SLC25A13: variants seen among roughly 807,000 people sequenced by gnomAD.
The protein encoded by SLC25A13 is solute carrier family 25 member 13, also known as electrogenic aspartate/glutamate antiporter SLC25A13, mitochondrial.
In SLC25A13, 70 loss-of-function variants were observed where a neutral mutation model predicts 85.5. The ratio of observed to expected loss-of-function variants is 0.82; its 90% CI spans 0.68 to 1.00. The LOEUF is 1.00. Among genes scored for constraint, SLC25A13 ranks in the 50% least tolerant of loss-of-function variants. The pLI, the probability that SLC25A13 is intolerant of heterozygous loss-of-function variation, is 0.00. For missense variants in SLC25A13, 765 were observed against 819.8 expected, an observed-to-expected ratio of 0.93 and a Z score of 0.82; for synonymous variants, 259 against 288.7, an observed-to-expected ratio of 0.90 and a Z score of 1.04.
chr7:96,313,599 T>C (rs1358821983), intron 1 of SLC25A13, among the ~76,000 whole-genome samples: 1 of 152,084 alleles, frequency 6.6e-6, no homozygotes. Context: ...CAATAGACAC[T>C]GGGGACTACT....
chr7:96,213,281 G>A (rs1011818192), intron 4 of SLC25A13, among the ~76,000 whole-genome samples: 4 of 152,116 alleles, frequency 2.6e-5, no homozygotes, highest in African/African-American at 4.8e-5. Context: ...ATAATACCAC[G>A]TCAGGTTAAT....
At chr7:96,290,006 A>C (rs1799052124) in intron 2 of SLC25A13, among the ~76,000 whole-genome samples, 1 of 152,214 alleles carries the variant, frequency 6.6e-6, no homozygotes, top group Non-Finnish European at 1.5e-5. Context: ...AAGGGCAGCC[A>C]GAGAGAAAGG....
chr7:96,220,481 A>G (rs1796078082), intron 4 of SLC25A13, among the ~76,000 whole-genome samples: 1 of 152,130 alleles, frequency 6.6e-6, no homozygotes, highest in African/African-American at 2.4e-5. Context: ...TCCTTTATCA[A>G]CCTATCAGAG....
In SLC25A13 at chr7:96,131,958, C is replaced by T. The variant is rs1209302652; in HGVS notation, c.1453-77G>A. 3.8e-6 allele frequency: 6 copies of T among 1,598,354 alleles called. No individual in the cohort carries two copies. In the Middle Eastern group the frequency reaches 5.0e-4, roughly 132 times the overall value. On this transcript the variant is annotated intron_variant, in intron 14 of 17. Coordinates refer to ENST00000265631, the MANE Select transcript of SLC25A13 (RefSeq NM_014251.3). The stretch of plus-strand genomic sequence containing the variant: ...GAGATCAAGCTTCTCTGGAACTCAC[C>T]TCAGAACAAAATATTCCTGGAGAAG...
intron 11 of SLC25A13, among the ~76,000 whole-genome samples, chr7:96,183,320 T>C (rs1208676976): frequency 6.6e-6 from 1 of 152,132 alleles, no homozygotes; most frequent in Non-Finnish European, 1.5e-5. Flanking sequence ...GGGTAATTAA[T>C]TTGAAGACTA....
At chr7:96,190,110 A>G (rs1794787179) in intron 7 of SLC25A13, among the ~76,000 whole-genome samples, 1 of 141,132 alleles carries the variant, frequency 7.1e-6, no homozygotes, top group South Asian at 2.3e-4. Flanking sequence ...TTTGAGACAG[A>G]GTCTTGCTCT....
intron 3 of SLC25A13, among the ~76,000 whole-genome samples, chr7:96,260,052 CG>C (rs983770755): frequency 1.4e-4 from 8 of 56,530 alleles, no homozygotes; most frequent in African/African-American, 5.7e-4. Context: ...TGGGGCCTGT[CG>C]GGGGGTGGGG....
chr7:96,166,513 T>C (rs1315127976), intron 13 of SLC25A13, among the ~76,000 whole-genome samples: 2 of 152,120 alleles, frequency 1.3e-5, no homozygotes, highest in Non-Finnish European at 2.9e-5. Flanking sequence ...GTATTTCTTA[T>C]CTGGTGACTT....
rs148300475 is a variant in SLC25A13, at chr7:96,293,093, T to G, written c.69+3805A>C. ...GTACCAAAACAGAGACATAGACCAATGGAACAGAACAGAGGCCTCAGAAAT... is the reference window on the plus strand; with the variant it reads ...GTACCAAAACAGAGACATAGACCAAGGGAACAGAACAGAGGCCTCAGAAAT... On this transcript the variant is annotated intron_variant, in intron 2 of 17. Coordinates refer to ENST00000265631, the MANE Select transcript of SLC25A13 (RefSeq NM_014251.3). 9.6e-3 allele frequency among the ~76,000 whole-genome samples: 1,461 copies of G among 152,198 alleles called. 25 individuals carry two copies. Among genetic ancestry groups the G allele is most frequent in the African/African-American group, 0.034 (1,407 of 41,512 alleles).
chr7:96,317,383 C>T (rs754078689), intron 1 of SLC25A13, among the ~76,000 whole-genome samples: 2 of 151,374 alleles, frequency 1.3e-5, no homozygotes, highest in Non-Finnish European at 2.9e-5. Flanking sequence ...GAATCAACAA[C>T]GAAACACAGT....
intron 5 of SLC25A13, 52 bp downstream of exon 5, chr7:96,208,786 T>C: frequency 1.9e-6 from 3 of 1,608,938 alleles, no homozygotes; most frequent in Admixed American, 1.7e-5. Flanking sequence ...ATTATAGGTG[T>C]GAGCCACCGT....
chr7:96,294,147 G>T (rs1799246488), intron 2 of SLC25A13, among the ~76,000 whole-genome samples: 1 of 152,068 alleles, frequency 6.6e-6, no homozygotes, highest in South Asian at 2.1e-4. Context: ...GGATGAAGCT[G>T]GAAACCATCA....
chr7:96,216,618 G>A (rs1795910163), intron 4 of SLC25A13, among the ~76,000 whole-genome samples: 1 of 152,130 alleles, frequency 6.6e-6, no homozygotes, highest in East Asian at 1.9e-4. Context: ...CGGAGCTGGA[G>A]GCCGTTATCA....
At chr7:96,172,200 C>T (rs1794032044) in intron 11 of SLC25A13, among the ~76,000 whole-genome samples, 1 of 152,154 alleles carries the variant, frequency 6.6e-6, no homozygotes, top group South Asian at 2.1e-4. Context: ...CATATGTATC[C>T]AACCTATAAG....
chr7:96,195,970 C>T (rs1220280584), intron 5 of SLC25A13, among the ~76,000 whole-genome samples: 1 of 152,172 alleles, frequency 6.6e-6, no homozygotes, highest in Non-Finnish European at 1.5e-5. Context: ...AAGGAAAAGA[C>T]AGTATAACCT....
At chr7:96,222,951 A>T (rs1796189457) in intron 4 of SLC25A13, among the ~76,000 whole-genome samples, 1 of 152,194 alleles carries the variant, frequency 6.6e-6, no homozygotes, top group South Asian at 2.1e-4. Flanking sequence ...TGTCTTTAAC[A>T]GCAATGCTGG....
At chr7:96,178,430 G>A (rs1794305622) in intron 11 of SLC25A13, among the ~76,000 whole-genome samples, 1 of 152,190 alleles carries the variant, frequency 6.6e-6, no homozygotes, top group African/African-American at 2.4e-5. Flanking sequence ...GCATCTAATA[G>A]AGGGCAGAAG....
At chr7:96,308,313 T>C (rs965889099) in intron 1 of SLC25A13, among the ~76,000 whole-genome samples, 8 of 152,248 alleles carry the variant, frequency 5.3e-5, no homozygotes, top group Non-Finnish European at 1.0e-4. Context: ...TTACTCTTCA[T>C]ATTCAGAGCA....
rs1490786240 is a variant in SLC25A13, at chr7:96,121,970, G to C, written c.1619C>G (p.Pro540Arg). The C allele has an allele frequency of 6.2e-6, 10 of 1,613,980 alleles. No homozygotes were observed. Among genetic ancestry groups the C allele is most frequent in the Non-Finnish European group, 8.5e-6 (10 of 1,180,042 alleles). ...AGMPAASLVT[P>R]ADVIKTRLQV... Reference sequence around the variant, plus strand: ...TAATCTCGTCTTGATAACATCAGCAGGGGTCACTAAAGATGCTGCAGGCAT... The same window carrying C: ...TAATCTCGTCTTGATAACATCAGCACGGGTCACTAAAGATGCTGCAGGCAT... Residue 540 changes from proline to arginine, a missense_variant, in exon 16 of 18, where the codon CCT becomes CGT. Pro to Arg is a moderately radical substitution (Grantham distance 103). Transcript: ENST00000265631.
Sources: allele counts gnomAD v4.1 joint callset (sites outside exome capture counted in the v4.1 genomes callset), GRCh38; gene constraint gnomAD v4.1.1; transcripts MANE v1.5; gene names NCBI Gene and HGNC (gene_info 2026-07-23, HGNC 2026-07-21).